ABCC2: variants seen among roughly 807,000 people sequenced by gnomAD.
ABCC2 encodes the protein ATP binding cassette subfamily C member 2, also known as ATP-binding cassette sub-family C member 2.
A neutral mutation model predicts 173.4 loss-of-function variants in ABCC2; 157 were observed. The ratio of observed to expected loss-of-function variants is 0.91; its 90% CI spans 0.80 to 1.03. The LOEUF (loss-of-function observed/expected upper bound fraction) is 1.03. ABCC2 is among the 50% of genes least tolerant of loss of function. ABCC2 has a pLI of 0.00. For synonymous variants in ABCC2, 657 were observed against 693.5 expected, an observed-to-expected ratio of 0.95 and a Z score of 0.83; for missense variants, 1,822 against 1,852.3, an observed-to-expected ratio of 0.98 and a Z score of 0.30.
chr10:99,799,916 G>A (rs1391590310), intron 8 of ABCC2, among the ~76,000 whole-genome samples: 1 of 152,140 alleles, frequency 6.6e-6, no homozygotes, highest in East Asian at 1.9e-4. Flanking sequence ...AAGCCAGAAC[G>A]CCAGGCTGGA....
At chr10:99,827,889 C>T (rs1272845230) in intron 19 of ABCC2, among the ~76,000 whole-genome samples, 2 of 138,168 alleles carry the variant, frequency 1.4e-5, no homozygotes, top group South Asian at 2.6e-4. Context: ...GATCTCTCGT[C>T]GACTTGTGCT....
intron 19 of ABCC2, among the ~76,000 whole-genome samples, chr10:99,827,050 G>A (rs1308944868): frequency 3.3e-5 from 5 of 150,616 alleles, no homozygotes; most frequent in Non-Finnish European, 7.4e-5. Flanking sequence ...CTACTAGGTG[G>A]TGCCGTAGGA....
At chr10:99,850,194 A>T (rs1329621178) in intron 30 of ABCC2, among the ~76,000 whole-genome samples, 1 of 152,232 alleles carries the variant, frequency 6.6e-6, no homozygotes, top group Admixed American at 6.5e-5. Context: ...CTGCTAACGT[A>T]AACTTGGTGA....
rs2038739989 is a variant in ABCC2, at chr10:99,831,645, C to A, written c.2918C>A (p.Ala973Glu). The A allele has an allele frequency of 1.9e-6, 3 of 1,614,054 alleles. No individual in the cohort carries two copies. Among genetic ancestry groups the A allele is most frequent in the Admixed American group, 1.7e-5 (1 of 60,004 alleles). Residue 973 changes from alanine (A) to glutamate (E), a missense_variant, in exon 22 of 32, where the codon GCA becomes GAA. Transcript: ENST00000647814. ...TCCATCTACCTGGAGTACCTACAAG[C>A]AATAGGATTGTTTTCGATATTCTTC... Reference protein sequence around the residue: ...KFSIYLEYLQAIGLFSIFFII... With the variant: ...KFSIYLEYLQEIGLFSIFFII...
At position 99,817,416 on chromosome 10, in the gene ABCC2, G is replaced by A; in HGVS notation, c.2203G>A (p.Glu735Lys). ...FNEKRYQQVL[E>K]ACALLPDLEM... ...TGAAAAGAGGTACCAGCAAGTACTGGAGGCCTGTGCTCTCCTCCCAGACTT... is the reference window on the plus strand; with the variant it reads ...TGAAAAGAGGTACCAGCAAGTACTGAAGGCCTGTGCTCTCCTCCCAGACTT... The change falls in exon 17 of 32, where the codon GAG becomes AAG. Residue 735 changes from glutamate (E) to lysine (K), a missense_variant. Coordinates refer to ENST00000647814, the MANE Select transcript of ABCC2 (RefSeq NM_000392.5). 1 of 1,614,164 alleles carries A rather than the reference G, an allele frequency of 6.2e-7. No homozygotes were observed. The highest frequency in any genetic ancestry group is 8.5e-7 in the Non-Finnish European group (1 of 1,180,036).
At position 99,847,115 on chromosome 10, in the gene ABCC2, G is replaced by T. The variant is rs376276952; in HGVS notation, c.4301G>T (p.Gly1434Val). 13 of 1,614,120 alleles carry T rather than the reference G, an allele frequency of 8.1e-6. No homozygotes were observed. The highest frequency in any genetic ancestry group is 1.0e-5 in the Non-Finnish European group (12 of 1,180,022). ...TTATCCCACGAAGTGACAGAGGCTG[G>T]TGGCAACCTGAGGTAATGTTCCATA... ...LGLSHEVTEAGGNLSIGQRQL... is the reference protein window; with the variant it reads ...LGLSHEVTEAVGNLSIGQRQL... Residue 1434 changes from glycine (G) to valine (V), a missense_variant, in exon 30 of 32, where the codon GGT (glycine) becomes GTT (valine). By Grantham distance (109) the Gly-to-Val change is moderately radical. Coordinates refer to ENST00000647814, the MANE Select transcript of ABCC2 (RefSeq NM_000392.5).
rs894446432 is a variant in ABCC2 at position 99,804,374 on chromosome 10, G to A, written c.1464+101G>A. 9.4e-6 allele frequency: 14 copies of A among 1,495,666 alleles called. No individual in the cohort carries two copies. The African/African-American group carries it at 2.0e-4, about 21-fold the overall frequency. 92.6% of individuals were successfully genotyped at this position (1,495,666 alleles called of 1,614,324 possible). A position where few individuals can be genotyped will look rare whatever the true frequency, so the allele number is the denominator to read the frequency against. On this transcript the variant is annotated intron_variant, in intron 10 of 31. Coordinates refer to ENST00000647814, the MANE Select transcript of ABCC2 (RefSeq NM_000392.5). The stretch of plus-strand genomic sequence containing the variant: ...TTAATGGGAGTTTGGGCAAGGCAAA[G>A]CTGGTGGAAGACTTTCTACCATCTC...
At chr10:99,835,947 G>T in intron 24 of ABCC2, 144 bp from the exon 25 acceptor site, 1 of 811,030 alleles carries the variant, frequency 1.2e-6, no homozygotes, top group Non-Finnish European at 2.1e-6. Context: ...TCTGCTCCCA[G>T]ACATGGCACT....
intron 19 of ABCC2, among the ~76,000 whole-genome samples, chr10:99,821,333 C>G (rs1278572536): frequency 6.6e-6 from 1 of 152,186 alleles, no homozygotes; most frequent in Non-Finnish European, 1.5e-5. Context: ...CTTGTCTCAA[C>G]TGCAAGAGGC....
rs3740070 is a variant in ABCC2, at chr10:99,831,661, G to A, written c.2934G>A (p.Ser978=). ...ACCTACAAGCAATAGGATTGTTTTC[G>A]ATATTCTTCATCATCCTTGCGTTTG... The part of the protein sequence containing the change: ...LEYLQAIGLF[S]IFFIILAFVM... The change falls in exon 22 of 32, where the codon TCG becomes TCA. Residue 978 remains serine, a synonymous_variant. Transcript: ENST00000647814. 2,149 of 1,614,140 alleles carry A rather than the reference G, an allele frequency of 1.3e-3. 45 individuals are homozygous for A. The East Asian group carries it at 0.035, about 26-fold the overall frequency.
At chr10:99,801,214 G>T (rs1439600743) in intron 9 of ABCC2, among the ~76,000 whole-genome samples, 2 of 151,944 alleles carry the variant, frequency 1.3e-5, no homozygotes, top group Non-Finnish European at 2.9e-5. Context: ...CTGATACATT[G>T]TTTGTTGTTG....
At chr10:99,783,161 A>G (rs1284578536) in intron 1 of ABCC2, among the ~76,000 whole-genome samples, 1 of 152,200 alleles carries the variant, frequency 6.6e-6, no homozygotes, top group Non-Finnish European at 1.5e-5. Flanking sequence ...AAACCTTCCA[A>G]TTTAATCCGT....
chr10:99,791,777 G>A (rs550519411), intron 2 of ABCC2, among the ~76,000 whole-genome samples: 1 of 152,362 alleles, frequency 6.6e-6, no homozygotes, highest in East Asian at 1.9e-4. Flanking sequence ...AGCTATTGGA[G>A]TGTCCTCATG....
At chr10:99,795,606 G>A (rs2037887275) in intron 6 of ABCC2, among the ~76,000 whole-genome samples, 1 of 151,828 alleles carries the variant, frequency 6.6e-6, no homozygotes, top group Non-Finnish European at 1.5e-5. Flanking sequence ...GGCTGAGACA[G>A]AAGAATTGCT....
At chr10:99,819,621 T>A (rs2038495943) in intron 19 of ABCC2, among the ~76,000 whole-genome samples, 1 of 152,200 alleles carries the variant, frequency 6.6e-6, no homozygotes, top group Non-Finnish European at 1.5e-5. Flanking sequence ...TTGACTCTAG[T>A]CACACATGTC....
chr10:99,834,236 T>C (rs2038783284), intron 23 of ABCC2, 144 bp from the exon 24 acceptor site: 2 of 883,898 alleles, frequency 2.3e-6, no homozygotes, highest in African/African-American at 1.7e-5. Context: ...ATGCAGCCTA[T>C]TGCAAATGAA....
chr10:99,782,948 G>T, intron 1 of ABCC2, 71 bp downstream of exon 1: 1 of 1,522,732 alleles, frequency 6.6e-7, no homozygotes, highest in Non-Finnish European at 9.1e-7. Flanking sequence ...GTTAACTTAG[G>T]GTGGTCACCA....
intron 27 of ABCC2, 72 bp from the exon 28 acceptor site, chr10:99,844,250 C>A: frequency 2.5e-6 from 4 of 1,576,260 alleles, no homozygotes; most frequent in Non-Finnish European, 3.5e-6. Flanking sequence ...TTCTATGACA[C>A]GAGTCCTGGG....
chr10:99,841,966 G>T lies in ABCC2; in HGVS notation c.3615-1G>T, dbSNP rs1287534169. ...CACTCTCTGGTTCTGTTGCCCCACA[G>T]GTGGCTTGCAATTCGCCTGGAGCTG... On this transcript the variant is annotated splice_acceptor_variant, in intron 25 of 31. Coordinates refer to ENST00000647814, the MANE Select transcript of ABCC2 (RefSeq NM_000392.5). LOFTEE classifies it high-confidence loss of function. 1 of 1,614,158 alleles carries T rather than the reference G, an allele frequency of 6.2e-7. No individual in the cohort carries two copies.
Sources: allele counts gnomAD v4.1 joint callset (sites outside exome capture counted in the v4.1 genomes callset), GRCh38; gene constraint gnomAD v4.1.1; transcripts MANE v1.5; gene names NCBI Gene and HGNC (gene_info 2026-07-23, HGNC 2026-07-21).